Variants in PTHLH observed in about 807,000 individuals in gnomAD.
PTHLH encodes the protein parathyroid hormone like hormone.
A neutral mutation model predicts 18.6 loss-of-function variants in PTHLH; 5 were observed. The observed-to-expected ratio is 0.27, with a 90% CI of 0.14 to 0.56. The LOEUF (loss-of-function observed/expected upper bound fraction) is 0.56. Ranked by LOEUF, PTHLH falls within the 20% of genes least tolerant of loss-of-function variation. The pLI is 0.92. For synonymous variants in PTHLH, 90 were observed against 94.0 expected (o/e 0.96, Z 0.25); for missense variants, 207 against 223.9 (o/e 0.92, Z 0.48).
At chr12:27,960,978 G>A (rs74969426) in intron 5 of PTHLH, among the ~76,000 whole-genome samples, 6,794 of 152,020 alleles carry the variant, frequency 0.045, 228 homozygotes, top group East Asian at 0.13. Context: ...CTGAACCTCT[G>A]TTGGATTGTG....
At position 27,969,596 on chromosome 12, in the gene PTHLH, C is replaced by T. The variant is rs887323779; in HGVS notation, c.-22-80G>A. The stretch of plus-strand genomic sequence containing the variant: ...CACTACTCCGCTCCCCCTTTTTAGC[C>T]CGCTCTCAAAAAGCCTCTTCAACAT... On this transcript the variant is annotated intron_variant, in intron 3 of 5. Transcript: ENST00000545234. 4.0e-6 allele frequency: 5 copies of T among 1,257,294 alleles called. No individual in the cohort carries two copies. The African/African-American group carries it at 7.3e-5, about 18-fold the overall frequency. 77.9% of individuals were successfully genotyped at this position (1,257,294 alleles called of 1,614,324 possible).
chr12:27,963,103 C>A (rs146780360), intron 5 of PTHLH: 7 of 1,401,336 alleles, frequency 5.0e-6, no homozygotes, highest in African/African-American at 1.4e-5. Context: ...TGTTGGGTGA[C>A]GGTGGAGAAA....
chr12:27,968,207 T>G (rs565641349), intron 4 of PTHLH, among the ~76,000 whole-genome samples: 16 of 152,320 alleles, frequency 1.1e-4, no homozygotes, highest in African/African-American at 3.8e-4. Context: ...CTTAGGAGAT[T>G]CATAATAGAT....
At chr12:27,959,123 G>T (rs2062734270) in intron 5 of PTHLH, among the ~76,000 whole-genome samples, 1 of 152,200 alleles carries the variant, frequency 6.6e-6, no homozygotes, top group Non-Finnish European at 1.5e-5. Flanking sequence ...AAATAGAGTT[G>T]ATGGTATAAT....
chr12:27,965,106 T>C (rs1300723193), intron 4 of PTHLH, among the ~76,000 whole-genome samples: 2 of 152,202 alleles, frequency 1.3e-5, no homozygotes, highest in African/African-American at 4.8e-5. Context: ...TAAATAGCAT[T>C]ATTACTGCCC....
chr12:27,970,298 G>A (rs1227729547), intron 2 of PTHLH, 31 bp from the exon 3 acceptor site: 2 of 315,156 alleles, frequency 6.3e-6, no homozygotes, highest in South Asian at 2.5e-5. Context: ...TCGCAAAGAG[G>A]TGGCGCCCTA....
chr12:27,961,051 G>A (rs1163024496), intron 5 of PTHLH, among the ~76,000 whole-genome samples: 1 of 151,678 alleles, frequency 6.6e-6, no homozygotes, highest in African/African-American at 2.4e-5. Context: ...TCACAAACAG[G>A]GAAGAGAAAG....
At chr12:27,959,767 T>C (rs115162266) in intron 5 of PTHLH, among the ~76,000 whole-genome samples, 3,754 of 152,314 alleles carry the variant, frequency 0.025, 155 homozygotes, top group African/African-American at 0.086. Context: ...TTGGTGGGAA[T>C]GTTAAAATCG....
rs541630468 is a variant in PTHLH at position 27,970,113 on chromosome 12, C to T, written c.-111G>A. ...GTGCGTGTGTCGTCGATCAGGAGGG[C>T]CAGGTGGCGGCGAGGGCGGGTCGTT... On this transcript the variant is annotated 5_prime_UTR_variant, in exon 3 of 6. Coordinates refer to ENST00000545234, the MANE Select transcript of PTHLH (RefSeq NM_198965.2). 148 of 518,980 alleles carry T rather than the reference C, an allele frequency of 2.9e-4. 1 individual carries two copies. Among genetic ancestry groups the T allele is most frequent in the Admixed American group, 2.8e-3 (147 of 51,600 alleles). 32.1% of individuals were successfully genotyped at this position (518,980 alleles called of 1,614,324 possible).
chr12:27,958,987 A>G (rs2062733323), intron 5 of PTHLH, among the ~76,000 whole-genome samples: 2 of 152,236 alleles, frequency 1.3e-5, no homozygotes, highest in South Asian at 4.1e-4. Context: ...TGACACCTGA[A>G]TTAGGCAATC....
At chr12:27,965,591 T>C (rs2062805828) in intron 4 of PTHLH, among the ~76,000 whole-genome samples, 1 of 152,168 alleles carries the variant, frequency 6.6e-6, no homozygotes. Context: ...TTTTAGTGTG[T>C]GGACTGACTT....
intron 3 of PTHLH, chr12:27,969,734 A>G (rs1432007678): frequency 1.4e-6 from 1 of 732,972 alleles, no homozygotes; most frequent in Non-Finnish European, 2.5e-6. Flanking sequence ...CACAGCCAGA[A>G]AGAGCAAAAA....
At chr12:27,972,281 A>T (rs934548212) in intron 1 of PTHLH, among the ~76,000 whole-genome samples, 1 of 152,178 alleles carries the variant, frequency 6.6e-6, no homozygotes, top group East Asian at 1.9e-4. Context: ...TAAATTAAGG[A>T]CTGGCATCAA....
chr12:27,968,386 A>G (rs1242498553), intron 4 of PTHLH, among the ~76,000 whole-genome samples: 1 of 152,210 alleles, frequency 6.6e-6, no homozygotes, highest in Non-Finnish European at 1.5e-5. Flanking sequence ...AGATACTGCT[A>G]TTTTTATTGT....
chr12:27,970,715 A>G (rs1348437690), intron 2 of PTHLH, among the ~76,000 whole-genome samples: 9 of 152,060 alleles, frequency 5.9e-5, no homozygotes, highest in African/African-American at 2.2e-4. Flanking sequence ...CCAGGGGCGG[A>G]CCGACGAGGA....
At chr12:27,966,859 A>G (rs2062818990) in intron 4 of PTHLH, among the ~76,000 whole-genome samples, 1 of 152,230 alleles carries the variant, frequency 6.6e-6, no homozygotes, top group African/African-American at 2.4e-5. Context: ...ACTATCAAGG[A>G]ACAGAGGGCA....
chr12:27,961,300 C>CGT (rs1491133811), intron 5 of PTHLH, among the ~76,000 whole-genome samples: 9 of 12,702 alleles, frequency 7.1e-4, no homozygotes, highest in Non-Finnish European at 5.0e-4. Flanking sequence ...TATATATATA[C>CGT]GTATATATAT....
chr12:27,962,872 G>T, intron 5 of PTHLH: 1 of 992,450 alleles, frequency 1.0e-6, no homozygotes, highest in Non-Finnish European at 1.2e-6. Flanking sequence ...GCTCAGAATC[G>T]TTTATGACAT....
At chr12:27,964,934 A>T (rs2062798554) in intron 4 of PTHLH, among the ~76,000 whole-genome samples, 1 of 152,118 alleles carries the variant, frequency 6.6e-6, no homozygotes, top group African/African-American at 2.4e-5. Context: ...AATTTCTACC[A>T]TTGGAATAGT....
Sources: allele counts gnomAD v4.1 joint callset (sites outside exome capture counted in the v4.1 genomes callset), GRCh38; gene constraint gnomAD v4.1.1; transcripts MANE v1.5; gene names NCBI Gene and HGNC (gene_info 2026-07-23, HGNC 2026-07-21).